GLMP: variants seen among roughly 807,000 people sequenced by gnomAD.
GLMP encodes kidney lysosomal membrane protein.
GLMP carries 36 observed loss-of-function variants against 39.2 expected under a neutral mutation model. The ratio of observed to expected loss-of-function variants is 0.92; its 90% CI spans 0.70 to 1.21. GLMP has a LOEUF of 1.21. GLMP is among the 50% of genes most tolerant of loss of function. The pLI is 0.00. For missense variants in GLMP, 454 were observed against 505.6 expected, an observed-to-expected ratio of 0.90 and a Z score of 0.98; for synonymous variants, 220 against 218.9, an observed-to-expected ratio of 1.01 and a Z score of -0.04.
Position 156,293,195 on chromosome 1 carries a change from C to T in GLMP, c.1070G>A (p.Gly357Asp). The change falls in exon 6 of 6, where the codon GGT becomes GAT. Residue 357 changes from glycine (G) to aspartate (D), a missense_variant. Gly to Asp is a moderately conservative substitution (Grantham distance 94). Transcript: ENST00000362007. ...QHYLSWSMLL[G>D]VGFPPVDGLS... is the part of the protein sequence containing the mutation. ...GCCGTCCACTGGAGGGAAGCCCACA[C>T]CCAGGAGCATCGACCTAGAGCAAGC... 1 of 1,613,378 alleles carries T rather than the reference C, an allele frequency of 6.2e-7. No individual in the cohort carries two copies. Among genetic ancestry groups the T allele is most frequent in the Non-Finnish European group, 8.5e-7 (1 of 1,179,696 alleles).
In GLMP at chr1:156,294,969, C is replaced by T. The variant is rs1558256824; in HGVS notation, c.168G>A (p.Leu56=). The change falls in exon 2 of 6, where the codon CTG becomes CTA. Residue 56 remains leucine (L), a synonymous_variant. Transcript: ENST00000362007. ...TGGTGCCCACTGCCCGTATATGAAG[C>T]AGGTTCTGCAGGGGGCCCAGCCAGT... ...IPNWLGPLQN[L]LHIRAVGTNS... 6.3e-7 allele frequency: 1 copy of T among 1,593,662 alleles called. No individual in the cohort carries two copies. Among genetic ancestry groups the T allele is most frequent in the Non-Finnish European group, 8.6e-7 (1 of 1,165,892 alleles).
In GLMP at chr1:156,293,017, A is replaced by G; in HGVS notation, c.*27T>C. ...CGAGGCACAGCAAGACAGGTTCAGT[A>G]ATGTCCTTCCCTCCAGAGAGCGGGC... On this transcript the variant is annotated 3_prime_UTR_variant, in exon 6 of 6. Coordinates refer to ENST00000362007, the MANE Select transcript of GLMP (RefSeq NM_144580.3). 1 of 1,612,090 alleles carries G rather than the reference A, an allele frequency of 6.2e-7. No individual in the cohort carries two copies. The highest frequency in any genetic ancestry group is 2.2e-5 in the East Asian group (1 of 44,836).
In GLMP at chr1:156,293,178, C is replaced by T. The variant is rs1663420389; in HGVS notation, c.1087G>A (p.Val363Met). 6.2e-7 allele frequency: 1 copy of T among 1,613,848 alleles called. No homozygotes were observed. Among genetic ancestry groups the T allele is most frequent in the African/African-American group, 1.3e-5 (1 of 74,996 alleles). Residue 363 changes from valine to methionine, a missense_variant, in exon 6 of 6, where the codon GTG becomes ATG. Coordinates refer to ENST00000362007, the MANE Select transcript of GLMP (RefSeq NM_144580.3). ...SMLLGVGFPP[V>M]DGLSPLVLGI... The stretch of plus-strand genomic sequence containing the variant: ...AGGACTAGTGGGGACAAGCCGTCCA[C>T]TGGAGGGAAGCCCACACCCAGGAGC...
At chr1:156,295,388 T>C in intron 1 of GLMP, 138 bp downstream of exon 1, 1 of 1,409,230 alleles carries the variant, frequency 7.1e-7, no homozygotes, top group South Asian at 1.6e-5. Flanking sequence ...CCCATGACCA[T>C]CTCCCACACC....
Position 156,294,490 on chromosome 1 carries a change from A to C in GLMP, c.454T>G (p.Leu152Val). 6.2e-7 allele frequency: 1 copy of C among 1,614,092 alleles called. No individual in the cohort carries two copies. The highest frequency in any genetic ancestry group is 2.2e-5 in the East Asian group (1 of 44,878). ...ATGTTGTTCCAAGAGAAATCGGCCA[A>C]GGAGTATGGAGGATATGGTCTTCCC... ...PLGRPYPPYS[L>V]ADFSWNNITD... is the part of the protein sequence containing the mutation. Residue 152 changes from leucine (L) to valine (V), a missense_variant, in exon 3 of 6, where the codon TTG (leucine) becomes GTG (valine). By Grantham distance (32) the Leu-to-Val change is conservative. Transcript: ENST00000362007.
At position 156,292,882 on chromosome 1, in the gene GLMP, C is replaced by G; in HGVS notation, c.*162G>C. The stretch of plus-strand genomic sequence containing the variant: ...CCCCCAACAAAGTATGAAGGAAGCC[C>G]CACCTGGGGGTCTCCAGGAAGTCGA... On this transcript the variant is annotated 3_prime_UTR_variant, in exon 6 of 6. Coordinates refer to ENST00000362007, the MANE Select transcript of GLMP (RefSeq NM_144580.3). 4.4e-6 allele frequency: 4 copies of G among 915,058 alleles called. No individual in the cohort carries two copies. In the South Asian group the frequency reaches 7.1e-5, roughly 16 times the overall value. The allele number at this position is 915,058 out of a possible 1,614,324, so 56.7% of individuals were successfully genotyped here.
In GLMP at chr1:156,294,971, G is replaced by T; in HGVS notation, c.166C>A (p.Leu56Met). The T allele has an allele frequency of 6.3e-7, 1 of 1,593,824 alleles. No individual in the cohort carries two copies. Among genetic ancestry groups the T allele is most frequent in the Non-Finnish European group, 8.6e-7 (1 of 1,165,918 alleles). Residue 56 changes from leucine (L) to methionine (M), a missense_variant, in exon 2 of 6, where the codon CTG becomes ATG. Coordinates refer to ENST00000362007, the MANE Select transcript of GLMP (RefSeq NM_144580.3). ...IPNWLGPLQN[L>M]LHIRAVGTNS... ...GTGCCCACTGCCCGTATATGAAGCA[G>T]GTTCTGCAGGGGGCCCAGCCAGTTA...
chr1:156,294,466 T>A lies in GLMP; in HGVS notation c.478A>T (p.Ile160Phe), dbSNP rs1663516363. The change falls in exon 3 of 6, where the codon ATC (isoleucine) becomes TTC (phenylalanine). Residue 160 changes from isoleucine to phenylalanine, a missense_variant. Physicochemically the swap from Ile to Phe is conservative, Grantham distance 21. Coordinates refer to ENST00000362007, the MANE Select transcript of GLMP (RefSeq NM_144580.3). The stretch of plus-strand genomic sequence containing the variant: ...GTGGCAGGATCCAATGAATCAGTGA[T>A]GTTGTTCCAAGAGAAATCGGCCAAG... The part of the protein sequence containing the change: ...YSLADFSWNN[I>F]TDSLDPATLS... The A allele has an allele frequency of 6.2e-7, 1 of 1,614,014 alleles. No homozygotes were observed. The highest frequency in any genetic ancestry group is 8.5e-7 in the Non-Finnish European group (1 of 1,180,040).
At chr1:156,295,111 G>T in intron 1 of GLMP, 95 bp from the exon 2 acceptor site, 1 of 1,139,602 alleles carries the variant, frequency 8.8e-7, no homozygotes, top group Non-Finnish European at 1.2e-6. Flanking sequence ...GGAAAGTGCT[G>T]GACAAAGGAT....
At chr1:156,293,783 C>T in intron 4 of GLMP, 1 of 1,425,228 alleles carries the variant, frequency 7.0e-7, no homozygotes. Context: ...ACTCAGCCCT[C>T]CTCTTGGCCC....
At position 156,292,997 on chromosome 1, in the gene GLMP, C is replaced by T; in HGVS notation, c.*47G>A. On this transcript the variant is annotated 3_prime_UTR_variant, in exon 6 of 6. Coordinates refer to ENST00000362007, the MANE Select transcript of GLMP (RefSeq NM_144580.3). ...TGCTCCAACCTCCAGAGTTTCGAGGCACAGCAAGACAGGTTCAGTAATGTC... is the reference window on the plus strand; with the variant it reads ...TGCTCCAACCTCCAGAGTTTCGAGGTACAGCAAGACAGGTTCAGTAATGTC... The T allele has an allele frequency of 1.3e-6, 2 of 1,579,234 alleles. No homozygotes were observed. The highest frequency in any genetic ancestry group is 2.3e-5 in the South Asian group (2 of 87,842).
chr1:156,294,311 T>C, intron 3 of GLMP, 54 bp downstream of exon 3: 1 of 1,605,090 alleles, frequency 6.2e-7, no homozygotes, highest in Non-Finnish European at 8.5e-7. Flanking sequence ...CATCATTAAA[T>C]CCCACCCTCA....
chr1:156,294,950 C>T lies in GLMP; in HGVS notation c.187G>A (p.Gly63Ser). The T allele has an allele frequency of 6.2e-7, 1 of 1,601,908 alleles. No individual in the cohort carries two copies. ...ACATAGTGCAGTGTGGAATTGGTGC[C>T]CACTGCCCGTATATGAAGCAGGTTC... ...LQNLLHIRAV[G>S]TNSTLHYVWS... Residue 63 changes from glycine to serine, a missense_variant, in exon 2 of 6, where the codon GGC (glycine) becomes AGC (serine). Transcript: ENST00000362007.
At position 156,293,505 on chromosome 1, in the gene GLMP, C is replaced by G. The variant is rs772012503; in HGVS notation, c.870G>C (p.Lys290Asn). Residue 290 changes from lysine (K) to asparagine (N), a missense_variant, in exon 5 of 6, where the codon AAG (lysine) becomes AAC (asparagine). Lys to Asn is a moderately conservative substitution (Grantham distance 94). Coordinates refer to ENST00000362007, the MANE Select transcript of GLMP (RefSeq NM_144580.3). The part of the protein sequence containing the change: ...AQWRPVAYSQ[K>N]PGGRESALPC... ...GCAGGGCTGATTCTCGGCCCCCCGG[C>G]TTCTGGGAGTAAGCCACTGGTCGCC... 3.7e-6 allele frequency: 6 copies of G among 1,614,082 alleles called. No individual in the cohort carries two copies. Among genetic ancestry groups the G allele is most frequent in the Admixed American group, 3.3e-5 (2 of 60,000 alleles).
In GLMP at chr1:156,292,942, G is replaced by T; in HGVS notation, c.*102C>A. The stretch of plus-strand genomic sequence containing the variant: ...CTGAGGTTCCACAGAAAAGCAAGAT[G>T]GGGGAGTGAAGGGGCCGGCTGGAAC... On this transcript the variant is annotated 3_prime_UTR_variant, in exon 6 of 6. Transcript: ENST00000362007. The T allele has an allele frequency of 1.4e-6, 2 of 1,437,320 alleles. No homozygotes were observed. The highest frequency in any genetic ancestry group is 1.9e-6 in the Non-Finnish European group (2 of 1,060,610). The allele number at this position is 1,437,320 out of a possible 1,614,324, so 89.0% of individuals were successfully genotyped here.
chr1:156,293,194 A>T lies in GLMP; in HGVS notation c.1071T>A (p.Gly357=). 2 of 1,613,414 alleles carry T rather than the reference A, an allele frequency of 1.2e-6. No homozygotes were observed. Among genetic ancestry groups the T allele is most frequent in the Non-Finnish European group, 1.7e-6 (2 of 1,179,700 alleles). ...AGCCGTCCACTGGAGGGAAGCCCAC[A>T]CCCAGGAGCATCGACCTAGAGCAAG... The part of the protein sequence containing the change: ...QHYLSWSMLL[G]VGFPPVDGLS... The change falls in exon 6 of 6, where the codon GGT becomes GGA. Residue 357 remains glycine, a synonymous_variant. Coordinates refer to ENST00000362007, the MANE Select transcript of GLMP (RefSeq NM_144580.3).
intron 1 of GLMP, 77 bp downstream of exon 1, chr1:156,295,449 C>T: frequency 7.0e-7 from 1 of 1,427,532 alleles, no homozygotes; most frequent in Non-Finnish European, 9.2e-7. Flanking sequence ...CCCCTAGCCC[C>T]TGGATGCCCG....
intron 2 of GLMP, 62 bp downstream of exon 2, chr1:156,294,697 T>C: frequency 6.4e-7 from 1 of 1,559,270 alleles, no homozygotes; most frequent in Non-Finnish European, 8.7e-7. Context: ...AGTTCCACCC[T>C]CTAATTGGGA....
intron 4 of GLMP, 75 bp from the exon 5 acceptor site, chr1:156,293,651 G>A (rs1558255591): frequency 6.3e-6 from 10 of 1,589,762 alleles, no homozygotes; most frequent in South Asian, 4.6e-5. Flanking sequence ...GCCACTCCCA[G>A]CCTTATTCTG....
Sources: allele counts gnomAD v4.1 joint callset, GRCh38; gene constraint gnomAD v4.1.1; transcripts MANE v1.5; gene names NCBI Gene and HGNC (gene_info 2026-07-23, HGNC 2026-07-21).